ABCA13: variants seen among roughly 807,000 people sequenced by gnomAD.
The protein encoded by ABCA13 is ATP-binding cassette sub-family A member 13.
Under a neutral mutation model 478.7 loss-of-function variants are expected in ABCA13, and 476 were observed. That is an observed-to-expected ratio of 0.99 (90% confidence interval 0.92 to 1.07). The LOEUF (loss-of-function observed/expected upper bound fraction) is 1.07, where lower values mean the gene tolerates loss of function less well. Ranked by LOEUF, ABCA13 falls within the 50% of genes least tolerant of loss-of-function variation. The probability of loss-of-function intolerance (pLI) is 0.00; values close to 1 mark genes in which losing one functional copy is unlikely to be tolerated. For synonymous variants in ABCA13, 2,252 were observed against 2,158.9 expected (o/e 1.04, Z -1.20); for missense variants, 6,060 against 5,910.6 (o/e 1.03, Z -0.83).
chr7:48,575,949 A>G (rs1788136390), intron 55 of ABCA13, among the ~76,000 whole-genome samples: 1 of 152,068 alleles, frequency 6.6e-6, no homozygotes, highest in Non-Finnish European at 1.5e-5. Flanking sequence ...AAATATTCAG[A>G]AAAAAAGGGA....
rs77274683 is a variant in ABCA13, at chr7:48,351,712, A to G, written c.10382-469A>G. On this transcript the variant is annotated intron_variant, in intron 30 of 61. Coordinates refer to ENST00000435803, the MANE Select transcript of ABCA13 (RefSeq NM_152701.5). Reference sequence around the variant, plus strand: ...AGGTACTGGGGGTTAGGACTTCTACATATGAATTTAGTAAGGGACACGATT... The same window carrying G: ...AGGTACTGGGGGTTAGGACTTCTACGTATGAATTTAGTAAGGGACACGATT... 4.0e-3 allele frequency among the ~76,000 whole-genome samples: 616 copies of G among 152,322 alleles called. 4 individuals are homozygous for G. Among genetic ancestry groups the G allele is most frequent in the African/African-American group, 0.014 (569 of 41,582 alleles).
intron 1 of ABCA13, among the ~76,000 whole-genome samples, chr7:48,172,286 G>A (rs980629026): frequency 3.3e-5 from 5 of 152,128 alleles, no homozygotes; most frequent in South Asian, 4.1e-4. Flanking sequence ...CATCGTTTCT[G>A]ATTTTAAGGT....
At chr7:48,630,523 T>G (rs998124041) in intron 59 of ABCA13, among the ~76,000 whole-genome samples, 2 of 152,224 alleles carry the variant, frequency 1.3e-5, no homozygotes, top group African/African-American at 2.4e-5. Flanking sequence ...CAGTATTCCA[T>G]GGTATATATG....
At chr7:48,323,803 G>T (rs1472450768) in intron 27 of ABCA13, among the ~76,000 whole-genome samples, 1 of 152,124 alleles carries the variant, frequency 6.6e-6, no homozygotes, top group Non-Finnish European at 1.5e-5. Context: ...CGTGTCAAGG[G>T]CAGGGCCAGG....
Position 48,417,500 on chromosome 7 carries a change from A to G in ABCA13, c.12459+4917A>G, listed in dbSNP as rs533838991. Among the ~76,000 whole-genome samples, 31 of 152,272 alleles carry G rather than the reference A, an allele frequency of 2.0e-4. 1 individual carries two copies. The South Asian group carries it at 2.3e-3, about 11-fold the overall frequency. On this transcript the variant is annotated intron_variant, in intron 41 of 61. Coordinates refer to ENST00000435803, the MANE Select transcript of ABCA13 (RefSeq NM_152701.5). ...TGGACAAATCACTTAGACTGGAACC[A>G]CATTTATTCATTTATTTTAATTTTA...
At chr7:48,581,986 T>C (rs1422306165) in intron 56 of ABCA13, among the ~76,000 whole-genome samples, 2 of 152,210 alleles carry the variant, frequency 1.3e-5, no homozygotes, top group Non-Finnish European at 2.9e-5. Context: ...TAATGGAAAA[T>C]AAAGTTTTAT....
chr7:48,307,641 C>T (rs1801102217), intron 23 of ABCA13, among the ~76,000 whole-genome samples: 1 of 152,020 alleles, frequency 6.6e-6, no homozygotes, highest in Non-Finnish European at 1.5e-5. Context: ...CATAGATTAA[C>T]CTTAGCTTAC....
chr7:48,456,826 T>C (rs1044023179), intron 43 of ABCA13, among the ~76,000 whole-genome samples: 1 of 152,114 alleles, frequency 6.6e-6, no homozygotes, highest in Non-Finnish European at 1.5e-5. Context: ...TTTCCTATTA[T>C]AGGCAATGCT....
At chr7:48,192,649 A>T (rs902709379) in intron 1 of ABCA13, among the ~76,000 whole-genome samples, 1 of 152,262 alleles carries the variant, frequency 6.6e-6, no homozygotes, top group Non-Finnish European at 1.5e-5. Flanking sequence ...GCTGTATTGA[A>T]GTATGGGAAA....
rs1379489228 is a variant in ABCA13 at position 48,647,418 on chromosome 7, A to ATTTT, written c.*1906_*1907insTTTT. ...ATATGTAATCTTTTTATGATTGTTG[A>ATTTT]ATCAATAAATACCAATTTGTGAAAC... On this transcript the variant is annotated 3_prime_UTR_variant, in exon 62 of 62. Transcript: ENST00000435803. The ATTTT allele has an allele frequency of 6.6e-6, 1 of 152,204 alleles. No individual in the cohort carries two copies. The highest frequency in any genetic ancestry group is 1.5e-5 in the Non-Finnish European group (1 of 68,022). 9.4% of individuals were successfully genotyped at this position (152,204 alleles called of 1,614,324 possible). A position where few individuals can be genotyped will look rare whatever the true frequency, so the allele number is the denominator to read the frequency against.
intron 32 of ABCA13, 25 bp from the exon 33 acceptor site, chr7:48,372,143 C>T (rs766979874): frequency 6.3e-7 from 1 of 1,592,254 alleles, no homozygotes; most frequent in South Asian, 1.1e-5. Flanking sequence ...CTGTGGTAAC[C>T]TTGGGTTTTT....
intron 55 of ABCA13, among the ~76,000 whole-genome samples, chr7:48,557,972 C>T (rs1033996715): frequency 5.3e-5 from 8 of 152,028 alleles, no homozygotes; most frequent in South Asian, 4.2e-4. Flanking sequence ...ATCTTATATG[C>T]GTGCTTCATT....
intron 27 of ABCA13, 73 bp downstream of exon 27, chr7:48,317,369 G>C: frequency 6.7e-7 from 1 of 1,491,894 alleles, no homozygotes; most frequent in Non-Finnish European, 9.1e-7. Context: ...AAAAATGTCT[G>C]ACATAATTAT....
At position 48,249,369 on chromosome 7, in the gene ABCA13, A is replaced by G. The variant is rs201478989; in HGVS notation, c.2005+18A>G. ...ACTATTGGGTAAGTCAGTAGCCTAAACTACAGGAATGGGGGATGCTTTCCC... is the reference window on the plus strand; with the variant it reads ...ACTATTGGGTAAGTCAGTAGCCTAAGCTACAGGAATGGGGGATGCTTTCCC... On this transcript the variant is annotated intron_variant, in intron 15 of 61. Transcript: ENST00000435803. 6.2e-7 allele frequency: 1 copy of G among 1,611,028 alleles called. No individual in the cohort carries two copies.
chr7:48,187,197 G>A (rs920597937), intron 1 of ABCA13, among the ~76,000 whole-genome samples: 1 of 148,828 alleles, frequency 6.7e-6, no homozygotes, highest in Non-Finnish European at 1.5e-5. Context: ...TGATGCATTG[G>A]CATCTAACAT....
At chr7:48,267,833 T>A (rs918700607) in intron 15 of ABCA13, among the ~76,000 whole-genome samples, 4 of 152,212 alleles carry the variant, frequency 2.6e-5, no homozygotes, top group Admixed American at 6.5e-5. Context: ...TTTACATGCC[T>A]GCTAATTTTT....
At chr7:48,197,242 G>T (rs1436215214) in intron 2 of ABCA13, among the ~76,000 whole-genome samples, 1 of 152,206 alleles carries the variant, frequency 6.6e-6, no homozygotes, top group Non-Finnish European at 1.5e-5. Context: ...CTGCCTTTGT[G>T]TTCTGGCTTT....
chr7:48,185,010 A>AT (rs1334113114), intron 1 of ABCA13, among the ~76,000 whole-genome samples: 3 of 151,900 alleles, frequency 2.0e-5, no homozygotes, highest in East Asian at 1.9e-4. Context: ...TAATTTTTGT[A>AT]TTTTTTGTAG....
chr7:48,206,695 A>G (rs77411236), intron 3 of ABCA13, among the ~76,000 whole-genome samples: 2,541 of 152,198 alleles, frequency 0.017, 35 homozygotes, highest in Non-Finnish European at 0.029. Flanking sequence ...TCTCTGAGGT[A>G]TGTGCAATAT....
Sources: allele counts gnomAD v4.1 joint callset (sites outside exome capture counted in the v4.1 genomes callset), GRCh38; gene constraint gnomAD v4.1.1; transcripts MANE v1.5; gene names NCBI Gene and HGNC (gene_info 2026-07-23, HGNC 2026-07-21).